The following RXRA variants were observed in gnomAD, a reference collection of about 807,000 sequenced individuals.
The protein encoded by RXRA is retinoic acid receptor RXR-alpha.
In RXRA, 5 loss-of-function variants were observed where a neutral mutation model predicts 44.5. The observed-to-expected ratio is 0.11, with a 90% CI of 0.06 to 0.24. The LOEUF (loss-of-function observed/expected upper bound fraction) is 0.24, where lower values mean the gene tolerates loss of function less well. Ranked by LOEUF, RXRA falls within the 10% of genes least tolerant of loss-of-function variation. The probability of loss-of-function intolerance (pLI) is 1.00; values close to 1 mark genes in which losing one functional copy is unlikely to be tolerated. For synonymous variants in RXRA, 291 were observed against 271.4 expected, an observed-to-expected ratio of 1.07 and a Z score of -0.71; for missense variants, 412 against 646.5, an observed-to-expected ratio of 0.64 and a Z score of 3.93.
At chr9:134,419,000 G>T (rs1183346819) in intron 5 of RXRA, among the ~76,000 whole-genome samples, 1 of 152,222 alleles carries the variant, frequency 6.6e-6, no homozygotes, top group African/African-American at 2.4e-5. Context: ...GTGCCCCCAC[G>T]TCCCCGGCTC....
chr9:134,428,075 G>C (rs1212467950), intron 6 of RXRA, among the ~76,000 whole-genome samples: 2 of 152,166 alleles, frequency 1.3e-5, no homozygotes, highest in Non-Finnish European at 2.9e-5. Context: ...GTGTGCACGC[G>C]AGGGTCCCTG....
At chr9:134,345,371 G>C (rs1554748629) in intron 1 of RXRA, among the ~76,000 whole-genome samples, 1 of 152,228 alleles carries the variant, frequency 6.6e-6, no homozygotes, top group Non-Finnish European at 1.5e-5. Context: ...GCCCTTGGGT[G>C]GTCAGCAGTG....
intron 1 of RXRA, among the ~76,000 whole-genome samples, chr9:134,328,467 C>A (rs868921447): frequency 1.3e-5 from 2 of 152,094 alleles, no homozygotes; most frequent in East Asian, 3.9e-4. Context: ...TGGGCACTCC[C>A]CTGCCACAAG....
intron 1 of RXRA, among the ~76,000 whole-genome samples, chr9:134,353,269 G>A (rs935272753): frequency 5.3e-5 from 8 of 152,274 alleles, no homozygotes; most frequent in African/African-American, 1.4e-4. Flanking sequence ...GGATTTCCTG[G>A]AGTCCTTCTC....
chr9:134,350,979 G>A (rs551798193), intron 1 of RXRA, among the ~76,000 whole-genome samples: 61 of 152,230 alleles, frequency 4.0e-4, no homozygotes, highest in Non-Finnish European at 7.2e-4. Flanking sequence ...CTCAGCAAGG[G>A]GGGGCTGAGC....
At chr9:134,360,297 G>A (rs557058521) in intron 1 of RXRA, among the ~76,000 whole-genome samples, 5 of 152,310 alleles carry the variant, frequency 3.3e-5, no homozygotes, top group African/African-American at 1.2e-4. Flanking sequence ...CTGGCCTGTC[G>A]GGCGGCAGGG....
Position 134,433,638 on chromosome 9 carries a change from C to T in RXRA, c.1136-464C>T, listed in dbSNP as rs759522047. On this transcript the variant is annotated intron_variant, in intron 8 of 9. Coordinates refer to ENST00000481739, the MANE Select transcript of RXRA (RefSeq NM_002957.6). The surrounding 1 kb of genome is among the most constrained non-coding windows in gnomAD (Gnocchi z 4.2). ...CCCGGGTCCTGAGCTCAGGACTCCG[C>T]AAGCACACCGAGGATGGGTTTCCGC... is the stretch of plus-strand genomic sequence containing the variant. Among the ~76,000 whole-genome samples the T allele has an allele frequency of 1.3e-5, 2 of 152,088 alleles. No homozygotes were observed. The highest frequency in any genetic ancestry group is 2.4e-5 in the African/African-American group (1 of 41,382).
intron 1 of RXRA, among the ~76,000 whole-genome samples, chr9:134,386,445 T>A (rs1185490563): frequency 1.3e-5 from 2 of 152,252 alleles, no homozygotes; most frequent in Non-Finnish European, 2.9e-5. Flanking sequence ...GCCTGTGTCT[T>A]GCCTATGGAG....
rs3927491 is a variant in RXRA, at chr9:134,421,873, C to A, written c.910+68C>A. 0.022 allele frequency: 35,108 copies of A among 1,582,482 alleles called. 5,892 individuals carry two copies. In the African/African-American group the frequency reaches 0.39, roughly 18 times the overall value. On this transcript the variant is annotated intron_variant, in intron 6 of 9. Transcript: ENST00000481739. ...TGGGACACGTACCAGGACACTCCCC[C>A]CTCCCGGGATACTCCGCACTCCCGG...
At chr9:134,401,556 G>C in intron 1 of RXRA, 76 bp from the exon 2 acceptor site, 3 of 1,599,388 alleles carry the variant, frequency 1.9e-6, no homozygotes, top group African/African-American at 1.3e-5. Context: ...TGCATCTGTA[G>C]CTGGGGGGAG....
At chr9:134,401,038 C>T (rs534090846) in intron 1 of RXRA, among the ~76,000 whole-genome samples, 3 of 152,340 alleles carry the variant, frequency 2.0e-5, no homozygotes, top group Admixed American at 6.5e-5. Context: ...CCAGTCCTGG[C>T]TTGGCCACAG....
intron 1 of RXRA, chr9:134,374,139 G>GCCATCCCCTTTCTGGGGACAA (rs1203777046): frequency 3.3e-5 from 5 of 152,328 alleles, no homozygotes; most frequent in African/African-American, 9.6e-5. Flanking sequence ...AGGTGAGGGT[G>GCCATCCCCTTTCTGGGGACAA]CCATCCCCTT....
chr9:134,353,724 G>C (rs1554749759), intron 1 of RXRA, among the ~76,000 whole-genome samples: 1 of 152,248 alleles, frequency 6.6e-6, no homozygotes, highest in African/African-American at 2.4e-5. Flanking sequence ...GCAGGAGAGG[G>C]AACTGCTGTC....
intron 1 of RXRA, among the ~76,000 whole-genome samples, chr9:134,346,783 T>C (rs912950073): frequency 3.3e-5 from 5 of 152,204 alleles, no homozygotes; most frequent in African/African-American, 4.8e-5. Flanking sequence ...GACAAGGAGC[T>C]GCCTCTGAGG....
chr9:134,343,094 G>A lies in RXRA; in HGVS notation c.28+16435G>A, dbSNP rs781875156. Among the ~76,000 whole-genome samples the A allele has an allele frequency of 5.9e-5, 9 of 152,180 alleles. No individual in the cohort carries two copies. The highest frequency in any genetic ancestry group is 1.0e-4 in the Non-Finnish European group (7 of 68,020). On this transcript the variant is annotated intron_variant, in intron 1 of 9. Coordinates refer to ENST00000481739, the MANE Select transcript of RXRA (RefSeq NM_002957.6). The surrounding 1 kb of genome is among the most constrained non-coding windows in gnomAD (Gnocchi z 4.1). ...GACCCAGAGCATTTGGCCTTGGGAG[G>A]TGGGGAGGGGGTTCCTGCCCTGGAG...
At chr9:134,341,674 G>C (rs1830088157) in intron 1 of RXRA, among the ~76,000 whole-genome samples, 1 of 152,294 alleles carries the variant, frequency 6.6e-6, no homozygotes, top group African/African-American at 2.4e-5. Flanking sequence ...TGGTGGCAGA[G>C]CTCCTCTCTT....
At chr9:134,393,177 C>T (rs930300805) in intron 1 of RXRA, among the ~76,000 whole-genome samples, 3 of 152,140 alleles carry the variant, frequency 2.0e-5, no homozygotes, top group Non-Finnish European at 2.9e-5. Context: ...CCGGCTCTGC[C>T]GTCAGCCTAA....
rs1831689966 is a variant in RXRA, at chr9:134,439,383, A to T, written c.*2769A>T. 6.6e-6 allele frequency: 1 copy of T among 152,148 alleles called. No homozygotes were observed. 9.4% of individuals were successfully genotyped at this position (152,148 alleles called of 1,614,324 possible). A position where few individuals can be genotyped will look rare whatever the true frequency, so the allele number is the denominator to read the frequency against. On this transcript the variant is annotated 3_prime_UTR_variant, in exon 10 of 10. Coordinates refer to ENST00000481739, the MANE Select transcript of RXRA (RefSeq NM_002957.6). ...GGGCTCCTGAGGCTCAGGAGTGAAG[A>T]TGCCACAGAGCCGGGCTCCCCTAGG...
intron 4 of RXRA, among the ~76,000 whole-genome samples, chr9:134,416,320 G>A (rs1272369434): frequency 6.6e-6 from 1 of 152,216 alleles, no homozygotes; most frequent in Non-Finnish European, 1.5e-5. Context: ...CCTTTGCTGA[G>A]CGCCCACCCC....
Sources: gnomAD v4.1 joint callset for allele counts (sites outside exome capture counted in the v4.1 genomes callset) on GRCh38, gnomAD v4.1.1 for gene constraint, Gnocchi (gnomAD v3.1) non-coding constraint, MANE v1.5 for transcripts, NCBI Gene and HGNC (gene_info 2026-07-23, HGNC 2026-07-21) for gene names.